The following CAMK4 variants were observed in gnomAD, a reference collection of about 807,000 sequenced individuals.
CAMK4 encodes calcium/calmodulin dependent protein kinase IV.
A neutral mutation model predicts 44.9 loss-of-function variants in CAMK4; 22 were observed. The observed-to-expected ratio is 0.49, with a 90% confidence interval of 0.35 to 0.70. The LOEUF (loss-of-function observed/expected upper bound fraction) is 0.70, where lower values mean the gene tolerates loss of function less well. Among genes scored for constraint, CAMK4 ranks in the 30% least tolerant of loss-of-function variants. The pLI is 0.01. For missense variants in CAMK4, 498 were observed against 586.8 expected (o/e 0.85, Z 1.56); for synonymous variants, 218 against 215.4 (o/e 1.01, Z -0.11).
rs932522134 is a variant in CAMK4 at position 111,494,224 on chromosome 5, G to A, written c.*9758G>A. ...GAGCATGTAAGATTTGGAGGACAAA[G>A]TATAAATATTTTAAGTTTACACAAC... On this transcript the variant is annotated 3_prime_UTR_variant, in exon 11 of 11. Transcript: ENST00000282356. 1 of 152,136 alleles carries A rather than the reference G, an allele frequency of 6.6e-6. No homozygotes were observed. The highest frequency in any genetic ancestry group is 1.5e-5 in the Non-Finnish European group (1 of 68,012). 9.4% of individuals were successfully genotyped at this position (152,136 alleles called of 1,614,324 possible). A position where few individuals can be genotyped will look rare whatever the true frequency, so the allele number is the denominator to read the frequency against.
In CAMK4 at chr5:111,336,826, TC is replaced by T. The variant is rs1338493107; in HGVS notation, c.162-7197del. 5.3e-5 allele frequency among the ~76,000 whole-genome samples: 8 copies of T among 151,120 alleles called. No homozygotes were observed. The East Asian group carries it at 7.8e-4, about 15-fold the overall frequency. ...TTGAAAATCTTTCTCTTATATTTTT[TC>T]TTTTTTTTAAAATTTCACCACTTAC... On this transcript the variant is annotated intron_variant, in intron 1 of 10. Coordinates refer to ENST00000282356, the MANE Select transcript of CAMK4 (RefSeq NM_001744.6).
In CAMK4 at chr5:111,290,173, G is replaced by A. The variant is rs1470231132; in HGVS notation, c.162-53851G>A. Among the ~76,000 whole-genome samples, 1 of 152,214 alleles carries A rather than the reference G, an allele frequency of 6.6e-6. No individual in the cohort carries two copies. The highest frequency in any genetic ancestry group is 2.1e-4 in the South Asian group (1 of 4,818). On this transcript the variant is annotated intron_variant, in intron 1 of 10. Transcript: ENST00000282356. This position sits in a 1 kb window ranked among gnomAD's most constrained non-coding sequence, Gnocchi z 4.5. ...ATAAACCCTGTTTTGGAGTATAGAC[G>A]CCTGCTCCCCTACCCATAAAAATTT...
At chr5:111,471,675 A>T (rs932423072) in intron 7 of CAMK4, among the ~76,000 whole-genome samples, 1 of 152,220 alleles carries the variant, frequency 6.6e-6, no homozygotes, top group Non-Finnish European at 1.5e-5. Flanking sequence ...TGGTACAAAA[A>T]ATTGTGAAAT....
intron 7 of CAMK4, among the ~76,000 whole-genome samples, chr5:111,450,226 C>T (rs1754178439): frequency 6.6e-6 from 1 of 152,132 alleles, no homozygotes. Flanking sequence ...GCTAGCTCCT[C>T]AGGAAGCTGA....
intron 7 of CAMK4, among the ~76,000 whole-genome samples, chr5:111,460,722 A>C (rs1399143657): frequency 6.6e-6 from 1 of 152,194 alleles, no homozygotes; most frequent in African/African-American, 2.4e-5. Flanking sequence ...GGCATCCATC[A>C]CAACTCTGAA....
chr5:111,375,917 TAAG>T (rs1489257120), intron 3 of CAMK4, among the ~76,000 whole-genome samples: 4 of 152,070 alleles, frequency 2.6e-5, no homozygotes, highest in Non-Finnish European at 5.9e-5. Flanking sequence ...CCAGTTCTCA[TAAG>T]AAGAGTAAAA....
chr5:111,293,589 G>A (rs1747364637), intron 1 of CAMK4, among the ~76,000 whole-genome samples: 1 of 151,636 alleles, frequency 6.6e-6, no homozygotes, highest in Non-Finnish European at 1.5e-5. Flanking sequence ...ACCACGTCCA[G>A]CTAATTTTTG....
At chr5:111,464,554 G>T (rs1451126463) in intron 7 of CAMK4, among the ~76,000 whole-genome samples, 1 of 152,122 alleles carries the variant, frequency 6.6e-6, no homozygotes, top group Non-Finnish European at 1.5e-5. Flanking sequence ...CTAAAGTCAA[G>T]ACAGAGGAAA....
Position 111,484,168 on chromosome 5 carries a change from G to A in CAMK4, c.1124G>A (p.Gly375Glu), listed in dbSNP as rs867091227. 3 of 1,614,170 alleles carry A rather than the reference G, an allele frequency of 1.9e-6. No homozygotes were observed. The highest frequency in any genetic ancestry group is 2.5e-6 in the Non-Finnish European group (3 of 1,180,012). Residue 375 changes from glycine to glutamate, a missense_variant, in exon 11 of 11, where the codon GGA becomes GAA. Gly to Glu is a moderately conservative substitution (Grantham distance 98, BLOSUM62 -2). Transcript: ENST00000282356. This position sits in a 1 kb window ranked among gnomAD's most constrained non-coding sequence, Gnocchi z 5.3. The stretch of plus-strand genomic sequence containing the variant: ...GAGGACATGAAAGCTATTCCAGAAG[G>A]AGAGAAAATTCAAGGCGATGGGGCC... ...GNEDMKAIPE[G>E]EKIQGDGAQA...
chr5:111,295,184 G>C (rs1747432679), intron 1 of CAMK4, among the ~76,000 whole-genome samples: 1 of 152,128 alleles, frequency 6.6e-6, no homozygotes, highest in African/African-American at 2.4e-5. Flanking sequence ...TCCTATTTAA[G>C]AGTTTAAAAT....
intron 2 of CAMK4, among the ~76,000 whole-genome samples, chr5:111,355,686 T>C (rs1458423917): frequency 3.3e-5 from 2 of 60,852 alleles, no homozygotes; most frequent in Admixed American, 3.4e-4. Context: ...CAGAGTGTGA[T>C]GTTCCCCTTC....
intron 7 of CAMK4, among the ~76,000 whole-genome samples, chr5:111,459,049 G>T (rs1051334808): frequency 1.3e-5 from 2 of 151,890 alleles, no homozygotes; most frequent in African/African-American, 4.9e-5. Context: ...GGGAATATAT[G>T]GTCCACATGT....
intron 1 of CAMK4, among the ~76,000 whole-genome samples, chr5:111,259,565 A>G (rs1017499058): frequency 6.6e-6 from 1 of 152,170 alleles, no homozygotes; most frequent in African/African-American, 2.4e-5. Flanking sequence ...GTAGGTATAT[A>G]TGCAGCACCC....
At chr5:111,433,250 G>A (rs114155970) in intron 5 of CAMK4, among the ~76,000 whole-genome samples, 2 of 152,152 alleles carry the variant, frequency 1.3e-5, no homozygotes, top group Non-Finnish European at 2.9e-5. Context: ...GTTTAAAAGG[G>A]CTTGATGACT....
rs1753030851 is a variant in CAMK4, at chr5:111,421,478, A to T, written c.460-25208A>T. 1.3e-5 allele frequency among the ~76,000 whole-genome samples: 2 copies of T among 152,252 alleles called. 1 individual carries two copies. The highest frequency in any genetic ancestry group is 4.1e-4 in the South Asian group (2 of 4,838). ...AGCATCCCTGGCCCCAACACCGTGA[A>T]TGCCAGTAGGAGGCTCAAAAACTCT... On this transcript the variant is annotated intron_variant, in intron 5 of 10. Transcript: ENST00000282356.
At chr5:111,286,171 G>A (rs1180232661) in intron 1 of CAMK4, among the ~76,000 whole-genome samples, 2 of 152,150 alleles carry the variant, frequency 1.3e-5, no homozygotes, top group Non-Finnish European at 2.9e-5. Flanking sequence ...AAGGTTTCTA[G>A]GTTTTGTACA....
intron 4 of CAMK4, among the ~76,000 whole-genome samples, chr5:111,383,455 G>A (rs1017210984): frequency 1.3e-5 from 2 of 152,086 alleles, no homozygotes; most frequent in Non-Finnish European, 2.9e-5. Flanking sequence ...GAAAGCACAC[G>A]ATTACTGAAT....
intron 1 of CAMK4, among the ~76,000 whole-genome samples, chr5:111,327,704 A>C (rs1748961180): frequency 6.6e-6 from 1 of 151,254 alleles, no homozygotes; most frequent in Non-Finnish European, 1.5e-5. Flanking sequence ...CACCATTCTA[A>C]CTGGTGTGAG....
At chr5:111,254,748 G>A (rs920051602) in intron 1 of CAMK4, among the ~76,000 whole-genome samples, 3 of 152,116 alleles carry the variant, frequency 2.0e-5, no homozygotes, top group Admixed American at 6.5e-5. Context: ...CATGCACACC[G>A]CTCTACATCA....
Sources: allele counts gnomAD v4.1 joint callset (sites outside exome capture counted in the v4.1 genomes callset), GRCh38; gene constraint gnomAD v4.1.1; non-coding constraint Gnocchi (gnomAD v3.1); transcripts MANE v1.5; gene names NCBI Gene and HGNC (gene_info 2026-07-23, HGNC 2026-07-21).